The following DCTD variants were observed in gnomAD, a reference collection of about 807,000 sequenced individuals.
DCTD encodes deoxycytidylate deaminase.
Under a neutral mutation model 21.0 loss-of-function variants are expected in DCTD, and 23 were observed. That is an observed-to-expected ratio of 1.09 (90% CI 0.79 to 1.55). The LOEUF is 1.55. DCTD is among the 40% of genes most tolerant of loss of function. DCTD has a pLI of 0.00. For missense variants in DCTD, 224 were observed against 230.0 expected, an observed-to-expected ratio of 0.97 and a Z score of 0.17; for synonymous variants, 71 against 81.1, an observed-to-expected ratio of 0.88 and a Z score of 0.67.
chr4:182,914,787 T>TG lies in DCTD; in HGVS notation c.244+135dup, dbSNP rs921810792. The TG allele has an allele frequency of 1.8e-5, 17 of 961,370 alleles. No individual in the cohort carries two copies. In the African/African-American group the frequency reaches 2.1e-4, roughly 12 times the overall value. The allele number at this position is 961,370 out of a possible 1,614,324, so 59.6% of individuals were successfully genotyped here. A position where few individuals can be genotyped will look rare whatever the true frequency, so the allele number is the denominator to read the frequency against. On this transcript the variant is annotated intron_variant, in intron 3 of 5. Coordinates refer to ENST00000438320, the MANE Select transcript of DCTD (RefSeq NM_001921.3). ...AACTTAAGAGACAAGGCCAGGAAAT[T>TG]GGGGTAGTTCAGTAGGATACTTTTC...
chr4:182,895,193 T>G (rs1734523336), intron 3 of DCTD, among the ~76,000 whole-genome samples: 1 of 152,176 alleles, frequency 6.6e-6, no homozygotes, highest in Non-Finnish European at 1.5e-5. Context: ...CAACTCAGCC[T>G]TCCAAGTAGC....
intron 3 of DCTD, among the ~76,000 whole-genome samples, chr4:182,904,766 C>T (rs1359344382): frequency 3.2e-5 from 3 of 93,698 alleles, no homozygotes; most frequent in Non-Finnish European, 9.2e-5. Context: ...CTGCTTCCTC[C>T]ACCGGAATGG....
At position 182,916,980 on chromosome 4, in the gene DCTD, G is replaced by A. The variant is rs1290440998; in HGVS notation, c.-8+331C>T. On this transcript the variant is annotated intron_variant, in intron 1 of 5. Coordinates refer to ENST00000438320, the MANE Select transcript of DCTD (RefSeq NM_001921.3). ...CAGCTCTGATCCAGGGCCTACACCC[G>A]GCATTCCCAACCCACACACGGGCGC... 5.0e-6 allele frequency: 5 copies of A among 990,854 alleles called. No individual in the cohort carries two copies. The Admixed American group carries it at 2.5e-4, about 49-fold the overall frequency. 61.4% of individuals were successfully genotyped at this position (990,854 alleles called of 1,614,324 possible). A position where few individuals can be genotyped will look rare whatever the true frequency, so the allele number is the denominator to read the frequency against.
At position 182,891,200 on chromosome 4, in the gene DCTD, C is replaced by G; in HGVS notation, c.*199G>C. 1.9e-6 allele frequency: 1 copy of G among 530,604 alleles called. No individual in the cohort carries two copies. Among genetic ancestry groups the G allele is most frequent in the Non-Finnish European group, 3.4e-6 (1 of 298,112 alleles). 32.9% of individuals were successfully genotyped at this position (530,604 alleles called of 1,614,324 possible). A position where few individuals can be genotyped will look rare whatever the true frequency, so the allele number is the denominator to read the frequency against. Reference sequence around the variant, plus strand: ...ACCACAGGCTCCCCTATTTTAAACCCTAAAGCAATAGTTCAAACACATGTA... The same window carrying G: ...ACCACAGGCTCCCCTATTTTAAACCGTAAAGCAATAGTTCAAACACATGTA... On this transcript the variant is annotated 3_prime_UTR_variant, in exon 6 of 6. Transcript: ENST00000438320.
intron 3 of DCTD, among the ~76,000 whole-genome samples, chr4:182,894,899 A>C (rs968704242): frequency 1.3e-5 from 2 of 152,224 alleles, no homozygotes; most frequent in Non-Finnish European, 2.9e-5. Flanking sequence ...CTGGGGCATG[A>C]AAGTGCCCAC....
chr4:182,915,411 A>C, intron 2 of DCTD, 50 bp downstream of exon 2: 2 of 1,216,240 alleles, frequency 1.6e-6, no homozygotes, highest in African/African-American at 1.5e-5. Flanking sequence ...CATGTGCAGT[A>C]ATCTCTTTGC....
chr4:182,914,922 C>A lies in DCTD; in HGVS notation c.244+1G>T, dbSNP rs752532435. The stretch of plus-strand genomic sequence containing the variant: ...AGAATGGGACATAAAACTTGCCCTA[C>A]CGTACGGGTATTTGGTGTCCAGCTT... On this transcript the variant is annotated splice_donor_variant, in intron 3 of 5. Coordinates refer to ENST00000438320, the MANE Select transcript of DCTD (RefSeq NM_001921.3). LOFTEE classifies it high-confidence loss of function. The A allele has an allele frequency of 1.2e-6, 2 of 1,614,202 alleles. No individual in the cohort carries two copies. The highest frequency in any genetic ancestry group is 1.7e-6 in the Non-Finnish European group (2 of 1,180,034).
chr4:182,907,067 G>A (rs1736846933), intron 3 of DCTD, among the ~76,000 whole-genome samples: 1 of 152,190 alleles, frequency 6.6e-6, no homozygotes, highest in South Asian at 2.1e-4. Context: ...TTAACCTCTT[G>A]TCTCTTTCAA....
intron 3 of DCTD, among the ~76,000 whole-genome samples, chr4:182,908,666 G>A (rs1214032412): frequency 1.8e-5 from 2 of 114,044 alleles, no homozygotes; most frequent in African/African-American, 3.5e-5. Flanking sequence ...CTGGGTGACA[G>A]AGCAAGACTC....
intron 3 of DCTD, among the ~76,000 whole-genome samples, chr4:182,914,308 T>G (rs1403293634): frequency 6.6e-6 from 1 of 152,238 alleles, no homozygotes; most frequent in African/African-American, 2.4e-5. Flanking sequence ...GTGCCCAGCC[T>G]CACTTCTGGC....
At chr4:182,904,126 G>T (rs1008046856) in intron 3 of DCTD, among the ~76,000 whole-genome samples, 1 of 151,958 alleles carries the variant, frequency 6.6e-6, no homozygotes, top group Non-Finnish European at 1.5e-5. Flanking sequence ...CTAAAGCTGC[G>T]GATGACAACT....
At chr4:182,916,526 C>T in intron 1 of DCTD, 1 of 986,576 alleles carries the variant, frequency 1.0e-6, no homozygotes, top group African/African-American at 1.7e-5. Flanking sequence ...TGCTACAGTG[C>T]AGGGCGGCAG....
chr4:182,915,688 G>T, intron 1 of DCTD, 113 bp from the exon 2 acceptor site: 1 of 832,808 alleles, frequency 1.2e-6, no homozygotes, highest in Non-Finnish European at 2.0e-6. Context: ...GGCAACTTCA[G>T]CTACATTTAT....
At chr4:182,906,405 A>G (rs888099753) in intron 3 of DCTD, among the ~76,000 whole-genome samples, 1 of 152,216 alleles carries the variant, frequency 6.6e-6, no homozygotes, top group Non-Finnish European at 1.5e-5. Flanking sequence ...AGACCCTCCC[A>G]TGGCATTCTG....
Position 182,903,910 on chromosome 4 carries a change from G to A in DCTD, c.245-9305C>T, listed in dbSNP as rs550834590. Among the ~76,000 whole-genome samples, 40 of 152,190 alleles carry A rather than the reference G, an allele frequency of 2.6e-4. No homozygotes were observed. The Middle Eastern group carries it at 0.01, about 39-fold the overall frequency. ...GAGAGAAAAGTCCCTCTCCAAGAACGGTTAGAAAGACTAACATCTGTCAAG... is the reference window on the plus strand; with the variant it reads ...GAGAGAAAAGTCCCTCTCCAAGAACAGTTAGAAAGACTAACATCTGTCAAG... On this transcript the variant is annotated intron_variant, in intron 3 of 5. Coordinates refer to ENST00000438320, the MANE Select transcript of DCTD (RefSeq NM_001921.3).
Position 182,897,826 on chromosome 4 carries a change from G to T in DCTD, c.245-3221C>A, listed in dbSNP as rs536308865. The stretch of plus-strand genomic sequence containing the variant: ...GCACCTGAGGCCGCAACCCAGCCCT[G>T]CCCCCTTCGTAACTCCCAGCTGCCG... On this transcript the variant is annotated intron_variant, in intron 3 of 5. Transcript: ENST00000438320. Among the ~76,000 whole-genome samples, 73 of 152,266 alleles carry T rather than the reference G, an allele frequency of 4.8e-4. 1 individual carries two copies. The South Asian group carries it at 0.012, about 26-fold the overall frequency.
chr4:182,912,690 A>C (rs1339450691), intron 3 of DCTD, among the ~76,000 whole-genome samples: 2 of 152,160 alleles, frequency 1.3e-5, no homozygotes, highest in Admixed American at 1.3e-4. Flanking sequence ...TAACCAACAA[A>C]ATCAGCTACA....
chr4:182,891,244 A>T lies in DCTD; in HGVS notation c.*155T>A. On this transcript the variant is annotated 3_prime_UTR_variant, in exon 6 of 6. Coordinates refer to ENST00000438320, the MANE Select transcript of DCTD (RefSeq NM_001921.3). ...ACATGTAGATTCCATGTGACAAGAG[A>T]GACAGTAAGGAAGATTTGAGGCTTT... 1 of 649,760 alleles carries T rather than the reference A, an allele frequency of 1.5e-6. No individual in the cohort carries two copies. The highest frequency in any genetic ancestry group is 2.8e-6 in the Non-Finnish European group (1 of 362,344). 40.2% of individuals were successfully genotyped at this position (649,760 alleles called of 1,614,324 possible).
At chr4:182,910,926 G>A (rs953762044) in intron 3 of DCTD, among the ~76,000 whole-genome samples, 1 of 152,154 alleles carries the variant, frequency 6.6e-6, no homozygotes, top group African/African-American at 2.4e-5. Flanking sequence ...GCATCAATCA[G>A]GACTAATGAC....
Sources: gnomAD v4.1 joint callset for allele counts (sites outside exome capture counted in the v4.1 genomes callset) on GRCh38, gnomAD v4.1.1 for gene constraint, MANE v1.5 for transcripts, NCBI Gene and HGNC (gene_info 2026-07-23, HGNC 2026-07-21) for gene names.